Variants in PPP3CA observed in about 807,000 individuals in gnomAD.
The protein encoded by PPP3CA is protein phosphatase 3 catalytic subunit alpha.
In PPP3CA, 14 loss-of-function variants were observed where a neutral mutation model predicts 66.5. The ratio of observed to expected loss-of-function variants is 0.21; its 90% confidence interval spans 0.14 to 0.33. The LOEUF is 0.33. Among genes scored for constraint, PPP3CA ranks in the 10% least tolerant of loss-of-function variants. The pLI, the probability that PPP3CA is intolerant of heterozygous loss-of-function variation, is 1.00. For synonymous variants in PPP3CA, 232 were observed against 226.2 expected, an observed-to-expected ratio of 1.03 and a Z score of -0.23; for missense variants, 317 against 639.5, an observed-to-expected ratio of 0.50 and a Z score of 5.44.
intron 10 of PPP3CA, among the ~76,000 whole-genome samples, chr4:101,045,753 C>T (rs909990812): frequency 2.0e-5 from 3 of 152,044 alleles, no homozygotes; most frequent in Non-Finnish European, 2.9e-5. Context: ...TAGATATTAG[C>T]ATGTATGCAA....
At chr4:101,054,767 G>A (rs753605935) in intron 10 of PPP3CA, among the ~76,000 whole-genome samples, 4 of 151,984 alleles carry the variant, frequency 2.6e-5, no homozygotes, top group Non-Finnish European at 5.9e-5. Flanking sequence ...TGGTTTCATA[G>A]AGGCATGCAA....
intron 2 of PPP3CA, among the ~76,000 whole-genome samples, chr4:101,124,723 A>AAGAG (rs371341410): frequency 4.1e-5 from 2 of 48,248 alleles, no homozygotes; most frequent in East Asian, 5.6e-4. Context: ...GAAAGAAAGA[A>AAGAG]AGAGAAAGAA....
At chr4:101,169,373 C>T (rs1196955069) in intron 2 of PPP3CA, among the ~76,000 whole-genome samples, 1 of 152,158 alleles carries the variant, frequency 6.6e-6, no homozygotes, top group Non-Finnish European at 1.5e-5. Flanking sequence ...AAGGCTACTA[C>T]AAATGACCAC....
rs774802793 is a variant in PPP3CA at position 101,029,204 on chromosome 4, A to G, written c.1340-9T>C. 4 of 1,607,306 alleles carry G rather than the reference A, an allele frequency of 2.5e-6. No homozygotes were observed. In the Admixed American group the frequency reaches 6.7e-5, roughly 27 times the overall value. ...AATAGCCTCAACAGTAGCTGAAGAG[A>G]AGAAAGGGGGTGCAAAATGAATGAG... On this transcript the variant is annotated splice_polypyrimidine_tract_variant and intron_variant, in intron 12 of 13. Transcript: ENST00000394854.
At chr4:101,179,247 A>G (rs1200553453) in intron 2 of PPP3CA, among the ~76,000 whole-genome samples, 6 of 152,108 alleles carry the variant, frequency 3.9e-5, no homozygotes, top group Admixed American at 6.6e-5. Context: ...AGTGCTAGTT[A>G]AAGAAAATAG....
rs184320567 is a variant in PPP3CA at position 101,207,063 on chromosome 4, C to T, written c.59-10947G>A. Among the ~76,000 whole-genome samples, 127 of 152,212 alleles carry T rather than the reference C, an allele frequency of 8.3e-4. 1 individual carries two copies. Among genetic ancestry groups the T allele is most frequent in the African/African-American group, 2.8e-3 (115 of 41,524 alleles). ...AGGGACAAGAAAAAAAAATTGCAAA[C>T]ATTTTGAAAAACTAAATGATTTTCA... On this transcript the variant is annotated intron_variant, in intron 1 of 13. Coordinates refer to ENST00000394854, the MANE Select transcript of PPP3CA (RefSeq NM_000944.5).
intron 5 of PPP3CA, among the ~76,000 whole-genome samples, chr4:101,098,016 G>C (rs1171703243): frequency 1.3e-5 from 2 of 151,980 alleles, no homozygotes; most frequent in Non-Finnish European, 2.9e-5. Flanking sequence ...TTTTCCCAAG[G>C]GCAAAGCAAC....
At chr4:101,241,264 G>T (rs1011137932) in intron 1 of PPP3CA, among the ~76,000 whole-genome samples, 1 of 152,090 alleles carries the variant, frequency 6.6e-6, no homozygotes, top group African/African-American at 2.4e-5. Flanking sequence ...CTATGGAAAG[G>T]TGCTTCATCT....
At chr4:101,040,602 T>G in intron 10 of PPP3CA, 36 bp from the exon 11 acceptor site, 1 of 1,526,824 alleles carries the variant, frequency 6.5e-7, no homozygotes, top group Non-Finnish European at 9.0e-7. Context: ...GTCAGTAATT[T>G]TTTATCTAAT....
intron 1 of PPP3CA, among the ~76,000 whole-genome samples, chr4:101,287,446 A>G (rs1278216656): frequency 6.6e-6 from 1 of 152,224 alleles, no homozygotes; most frequent in Non-Finnish European, 1.5e-5. Flanking sequence ...TCTTGACAAC[A>G]TTCTTGTTTT....
At chr4:101,319,984 G>A (rs1291379724) in intron 1 of PPP3CA, among the ~76,000 whole-genome samples, 1 of 152,060 alleles carries the variant, frequency 6.6e-6, no homozygotes, top group African/African-American at 2.4e-5. Flanking sequence ...ATAAGATATT[G>A]TGTATACCTG....
intron 2 of PPP3CA, among the ~76,000 whole-genome samples, chr4:101,162,311 T>C (rs1399441299): frequency 1.3e-5 from 2 of 149,628 alleles, no homozygotes; most frequent in African/African-American, 2.5e-5. Flanking sequence ...GGCGGGTGGA[T>C]CACGAGGTCA....
At chr4:101,335,126 T>C (rs1488092294) in intron 1 of PPP3CA, among the ~76,000 whole-genome samples, 3 of 152,152 alleles carry the variant, frequency 2.0e-5, no homozygotes, top group Non-Finnish European at 4.4e-5. Context: ...AGGTTATCAG[T>C]AGCTGTTAAT....
At chr4:101,160,716 T>C (rs1723477535) in intron 2 of PPP3CA, among the ~76,000 whole-genome samples, 1 of 152,140 alleles carries the variant, frequency 6.6e-6, no homozygotes. Flanking sequence ...CTTCTTTTTA[T>C]ATATCAAGAG....
In PPP3CA at chr4:101,152,006, A is replaced by G. The variant is rs1398378902; in HGVS notation, c.260-42928T>C. Among the ~76,000 whole-genome samples, 4 of 152,194 alleles carry G rather than the reference A, an allele frequency of 2.6e-5. No individual in the cohort carries two copies. The South Asian group carries it at 8.3e-4, about 31-fold the overall frequency. ...GCAAATATTTTATTATTCTGGAAAT[A>G]CAAAATAGAAAAACCTCATTATTTC... On this transcript the variant is annotated intron_variant, in intron 2 of 13. Coordinates refer to ENST00000394854, the MANE Select transcript of PPP3CA (RefSeq NM_000944.5).
intron 1 of PPP3CA, among the ~76,000 whole-genome samples, chr4:101,217,311 T>C (rs1407434663): frequency 6.6e-6 from 1 of 152,190 alleles, no homozygotes; most frequent in Non-Finnish European, 1.5e-5. Context: ...TTCACTCTAC[T>C]ATTAAGTAGC....
intron 2 of PPP3CA, among the ~76,000 whole-genome samples, chr4:101,146,133 T>C (rs1011429059): frequency 2.0e-5 from 3 of 152,242 alleles, no homozygotes; most frequent in South Asian, 2.1e-4. Flanking sequence ...CCTATGCTTA[T>C]GTGTTTTCTG....
At chr4:101,073,858 A>G (rs973857783) in intron 8 of PPP3CA, among the ~76,000 whole-genome samples, 1 of 152,216 alleles carries the variant, frequency 6.6e-6, no homozygotes, top group African/African-American at 2.4e-5. Context: ...TACAATTACT[A>G]GAAAGTACCA....
intron 9 of PPP3CA, among the ~76,000 whole-genome samples, chr4:101,062,655 G>A (rs994666561): frequency 2.0e-5 from 3 of 151,944 alleles, no homozygotes; most frequent in Admixed American, 2.0e-4. Context: ...TAGGAAGAAA[G>A]TTAACAAATA....
Sources: gnomAD v4.1 joint callset for allele counts (sites outside exome capture counted in the v4.1 genomes callset) on GRCh38, gnomAD v4.1.1 for gene constraint, MANE v1.5 for transcripts, NCBI Gene and HGNC (gene_info 2026-07-23, HGNC 2026-07-21) for gene names.